CYTIP: variants seen among roughly 807,000 people sequenced by gnomAD.
CYTIP encodes the protein cytohesin 1 interacting protein, also known as cytohesin-interacting protein.
In CYTIP, 26 loss-of-function variants were observed where a neutral mutation model predicts 43.8. That is an observed-to-expected ratio of 0.59 (90% CI 0.44 to 0.82). CYTIP has a LOEUF of 0.82. CYTIP is among the 40% of genes least tolerant of loss of function. The pLI is 0.00. For synonymous variants in CYTIP, 162 were observed against 162.9 expected (o/e 0.99, Z 0.04); for missense variants, 426 against 443.1 (o/e 0.96, Z 0.35).
chr2:157,441,657 A>G (rs1685920707), intron 1 of CYTIP, among the ~76,000 whole-genome samples: 1 of 151,512 alleles, frequency 6.6e-6, no homozygotes, highest in Non-Finnish European at 1.5e-5. Flanking sequence ...TCATATGCCA[A>G]AATCCCTCTC....
rs140100970 is a variant in CYTIP at position 157,438,730 on chromosome 2, A to C, written c.175-3983T>G. Among the ~76,000 whole-genome samples, 953 of 152,272 alleles carry C rather than the reference A, an allele frequency of 6.3e-3. 8 individuals are homozygous for C. The highest frequency in any genetic ancestry group is 0.021 in the African/African-American group (876 of 41,582). On this transcript the variant is annotated intron_variant, in intron 1 of 7. Transcript: ENST00000264192. Reference sequence around the variant, plus strand: ...AATGAAAGAAAACAGACAAGAACAAAAAAAAAAATTCAATCCGAAACAAGA... The same window carrying C: ...AATGAAAGAAAACAGACAAGAACAACAAAAAAAATTCAATCCGAAACAAGA...
At chr2:157,438,455 G>T (rs1225356306) in intron 1 of CYTIP, among the ~76,000 whole-genome samples, 1 of 152,158 alleles carries the variant, frequency 6.6e-6, no homozygotes, top group East Asian at 1.9e-4. Flanking sequence ...AAGTTCTAGT[G>T]CTCTATACTG....
chr2:157,427,006 A>T (rs1685621348), intron 6 of CYTIP, among the ~76,000 whole-genome samples: 1 of 152,208 alleles, frequency 6.6e-6, no homozygotes, highest in Non-Finnish European at 1.5e-5. Context: ...GCCCTCCAAC[A>T]CACTTGGGAA....
intron 6 of CYTIP, among the ~76,000 whole-genome samples, chr2:157,422,670 CAAAAAAA>C (rs967207257): frequency 1.5e-5 from 1 of 64,548 alleles, no homozygotes; most frequent in Non-Finnish European, 3.2e-5. Context: ...AACTCTGTCT[CAAAAAAA>C]AAAAAAAAAA....
chr2:157,422,424 T>C (rs145497728), intron 6 of CYTIP, among the ~76,000 whole-genome samples: 2 of 152,270 alleles, frequency 1.3e-5, no homozygotes, highest in African/African-American at 4.8e-5. Flanking sequence ...TCCCAGCACT[T>C]TGGGAGGCCT....
rs201600939 is a variant in CYTIP at position 157,443,904 on chromosome 2, A to G, written c.117T>C (p.Asn39=). 1.1e-5 allele frequency: 18 copies of G among 1,614,010 alleles called. No individual in the cohort carries two copies. Among genetic ancestry groups the G allele is most frequent in the Non-Finnish European group, 1.5e-5 (18 of 1,180,000 alleles). Reference sequence around the variant, plus strand: ...TGTCTGCTAGCATTTGAATCCTTCTATTATCGTCCATCGTAAGGCTGCCGG... The same window carrying G: ...TGTCTGCTAGCATTTGAATCCTTCTGTTATCGTCCATCGTAAGGCTGCCGG... The part of the protein sequence containing the change: ...TLTGSLTMDD[N]RRIQMLADTV... The change falls in exon 1 of 8, where the codon AAT becomes AAC. Residue 39 remains asparagine, a synonymous_variant. Transcript: ENST00000264192.
intron 4 of CYTIP, 91 bp downstream of exon 4, chr2:157,430,769 A>C: frequency 6.8e-7 from 1 of 1,470,018 alleles, no homozygotes; most frequent in Admixed American, 1.9e-5. Flanking sequence ...AGAAAACTCA[A>C]AGCAACAAAT....
chr2:157,427,155 A>T lies in CYTIP; in HGVS notation c.546+196T>A, dbSNP rs562888239. Among the ~76,000 whole-genome samples the T allele has an allele frequency of 2.7e-4, 41 of 152,328 alleles. No individual in the cohort carries two copies. In the South Asian group the frequency reaches 5.4e-3, roughly 20 times the overall value. The stretch of plus-strand genomic sequence containing the variant: ...CATAGACACACAGAAGGAGGAAGGA[A>T]GAAAGTGATTTACACTGGTTTGCAG... On this transcript the variant is annotated intron_variant, in intron 6 of 7. Coordinates refer to ENST00000264192, the MANE Select transcript of CYTIP (RefSeq NM_004288.5).
chr2:157,416,222 T>C (rs549727885), intron 7 of CYTIP, 79 bp from the exon 8 acceptor site: 1 of 1,174,364 alleles, frequency 8.5e-7, no homozygotes, highest in African/African-American at 1.5e-5. Context: ...AACTTCTCTT[T>C]GAATGACACG....
chr2:157,421,349 A>G (rs1685519692), intron 6 of CYTIP, among the ~76,000 whole-genome samples: 1 of 152,244 alleles, frequency 6.6e-6, no homozygotes, highest in African/African-American at 2.4e-5. Flanking sequence ...CTCAGCTATC[A>G]CACATTTGTT....
intron 6 of CYTIP, among the ~76,000 whole-genome samples, chr2:157,419,277 G>C (rs1279880024): frequency 1.3e-5 from 2 of 152,180 alleles, no homozygotes; most frequent in East Asian, 3.9e-4. Context: ...ACAGGCGTGA[G>C]GCACCGTGCC....
chr2:157,430,657 G>C lies in CYTIP; in HGVS notation c.383-5C>G. 6.2e-7 allele frequency: 1 copy of C among 1,613,308 alleles called. No individual in the cohort carries two copies. Among genetic ancestry groups the C allele is most frequent in the Non-Finnish European group, 8.5e-7 (1 of 1,179,264 alleles). On this transcript the variant is annotated splice_region_variant and splice_polypyrimidine_tract_variant and intron_variant, in intron 4 of 7. Transcript: ENST00000264192. Reference sequence around the variant, plus strand: ...TGATATTTGCAAGGACATCACCTGGGAGATGCCAAGAAAAATGAGTGTTAT... The same window carrying C: ...TGATATTTGCAAGGACATCACCTGGCAGATGCCAAGAAAAATGAGTGTTAT...
rs1049541722 is a variant in CYTIP, at chr2:157,414,856, T to C, written c.*821A>G. 6.6e-5 allele frequency: 10 copies of C among 152,164 alleles called. No homozygotes were observed. Among genetic ancestry groups the C allele is most frequent in the African/African-American group, 2.4e-4 (10 of 41,440 alleles). 9.4% of individuals were successfully genotyped at this position (152,164 alleles called of 1,614,324 possible). Reference sequence around the variant, plus strand: ...AAGTGAGAAGTAATATGAAAAAAACTACAGGAGGGAAGTCCTTTTCCCAAC... The same window carrying C: ...AAGTGAGAAGTAATATGAAAAAAACCACAGGAGGGAAGTCCTTTTCCCAAC... On this transcript the variant is annotated 3_prime_UTR_variant, in exon 8 of 8. Coordinates refer to ENST00000264192, the MANE Select transcript of CYTIP (RefSeq NM_004288.5).
chr2:157,418,388 G>T, intron 7 of CYTIP, 135 bp downstream of exon 7: 1 of 776,044 alleles, frequency 1.3e-6, no homozygotes, highest in Non-Finnish European at 2.0e-6. Flanking sequence ...TCATGCCAAA[G>T]AAACACAGAC....
chr2:157,436,497 C>A (rs1436554043), intron 1 of CYTIP, among the ~76,000 whole-genome samples: 9 of 151,878 alleles, frequency 5.9e-5, no homozygotes, highest in Admixed American at 5.9e-4. Flanking sequence ...GTTTCTTATA[C>A]CTCTATAAAT....
At chr2:157,416,546 T>C (rs935369094) in intron 7 of CYTIP, among the ~76,000 whole-genome samples, 1 of 152,224 alleles carries the variant, frequency 6.6e-6, no homozygotes, top group African/African-American at 2.4e-5. Context: ...AGAATACACT[T>C]GGGGAAATAC....
intron 6 of CYTIP, among the ~76,000 whole-genome samples, chr2:157,424,340 GATA>G (rs1392215169): frequency 4.6e-5 from 7 of 152,058 alleles, no homozygotes; most frequent in Middle Eastern, 3.4e-3. Flanking sequence ...GTAAAGAAAC[GATA>G]ATAAGAACAA....
At chr2:157,420,354 A>G (rs750306335) in intron 6 of CYTIP, among the ~76,000 whole-genome samples, 1 of 152,062 alleles carries the variant, frequency 6.6e-6, no homozygotes, top group Admixed American at 6.6e-5. Flanking sequence ...CATCTCTACT[A>G]AAAATACAAA....
chr2:157,417,180 C>A (rs956500688), intron 7 of CYTIP, among the ~76,000 whole-genome samples: 2 of 152,202 alleles, frequency 1.3e-5, no homozygotes, highest in African/African-American at 4.8e-5. Context: ...AGATGATTTG[C>A]AAGGTTGAGT....
Sources: gnomAD v4.1 joint callset for allele counts (sites outside exome capture counted in the v4.1 genomes callset) on GRCh38, gnomAD v4.1.1 for gene constraint, MANE v1.5 for transcripts, NCBI Gene and HGNC (gene_info 2026-07-23, HGNC 2026-07-21) for gene names.